Variants in ZNF589 observed in about 807,000 individuals in gnomAD.
The protein encoded by ZNF589 is zinc finger protein 589.
A neutral mutation model predicts 13.6 loss-of-function variants in ZNF589; 17 were observed. The observed-to-expected ratio is 1.25, with a 90% CI of 0.86 to 1.88. The LOEUF (loss-of-function observed/expected upper bound fraction) is 1.88. Ranked by LOEUF, ZNF589 falls within the 40% of genes most tolerant of loss-of-function variation. The pLI is 0.00. For missense variants in ZNF589, 407 were observed against 434.0 expected (o/e 0.94, Z 0.55); for synonymous variants, 148 against 161.6 (o/e 0.92, Z 0.64).
chr3:48,262,856 G>GA (rs540251808), intron 3 of ZNF589, among the ~76,000 whole-genome samples: 3 of 150,922 alleles, frequency 2.0e-5, no homozygotes, highest in South Asian at 2.1e-4. Context: ...TCACCAATAT[G>GA]AAAAAAAAAT....
Position 48,268,640 on chromosome 3 carries a change from C to T in ZNF589, c.949C>T (p.Pro317Ser), listed in dbSNP as rs868389078. ...SHCGRGFSCK[P>S]YLIRHQRTHT... ...TTGTGGGCGAGGCTTTAGCTGCAAG[C>T]CATACCTCATCAGACATCAGAGGAC... is the stretch of plus-strand genomic sequence containing the variant. The change falls in exon 4 of 4, where the codon CCA (proline) becomes TCA (serine). Residue 317 changes from proline to serine, a missense_variant. Pro to Ser is a moderately conservative substitution (Grantham distance 74). Transcript: ENST00000354698. The T allele has an allele frequency of 6.2e-7, 1 of 1,612,766 alleles. No individual in the cohort carries two copies. Among genetic ancestry groups the T allele is most frequent in the East Asian group, 2.2e-5 (1 of 44,826 alleles).
chr3:48,253,177 C>T (rs188907584), intron 2 of ZNF589, among the ~76,000 whole-genome samples: 4 of 152,098 alleles, frequency 2.6e-5, no homozygotes, highest in South Asian at 2.1e-4. Flanking sequence ...GGATTACAGG[C>T]GTGCACCACT....
At chr3:48,242,978 C>T (rs898786868) in intron 1 of ZNF589, among the ~76,000 whole-genome samples, 6 of 151,494 alleles carry the variant, frequency 4.0e-5, no homozygotes, top group Admixed American at 6.6e-5. Context: ...GAGGCTGAGG[C>T]GCAAGAATTG....
At chr3:48,264,426 A>C (rs892606030) in intron 3 of ZNF589, among the ~76,000 whole-genome samples, 3 of 151,406 alleles carry the variant, frequency 2.0e-5, no homozygotes, top group African/African-American at 7.3e-5. Flanking sequence ...CCAGCTACTC[A>C]GGAGTCTGAG....
At chr3:48,267,576 T>C (rs1461515070) in intron 3 of ZNF589, among the ~76,000 whole-genome samples, 1 of 152,140 alleles carries the variant, frequency 6.6e-6, no homozygotes, top group East Asian at 1.9e-4. Flanking sequence ...TTTGTATTTT[T>C]AGTAGAGACA....
intron 2 of ZNF589, among the ~76,000 whole-genome samples, chr3:48,257,291 GCT>G: frequency 6.6e-6 from 1 of 151,884 alleles, no homozygotes. Context: ...ACAGAGTCTT[GCT>G]CTGTCTCCCA....
intron 2 of ZNF589, among the ~76,000 whole-genome samples, chr3:48,254,076 C>T (rs1459021354): frequency 5.9e-5 from 9 of 151,424 alleles, no homozygotes; most frequent in African/African-American, 1.5e-4. Flanking sequence ...GGTGACAGAG[C>T]GAGACCTTAT....
Position 48,268,327 on chromosome 3 carries a change from T to A in ZNF589, c.636T>A (p.Phe212Leu). Residue 212 changes from phenylalanine (F) to leucine (L), a missense_variant, in exon 4 of 4, where the codon TTT becomes TTA. Transcript: ENST00000354698. ...RISKRAETPGFGAVTFGECAL... is the reference protein window; with the variant it reads ...RISKRAETPGLGAVTFGECAL... ...CCAAGAGGGCAGAAACCCCAGGGTT[T>A]GGAGCAGTCACGTTTGGGGAGTGTG... The A allele has an allele frequency of 6.2e-7, 1 of 1,614,166 alleles. No homozygotes were observed. The highest frequency in any genetic ancestry group is 8.5e-7 in the Non-Finnish European group (1 of 1,180,008).
rs1294976697 is a variant in ZNF589, at chr3:48,270,319, T to C, written c.*1533T>C. 4.6e-6 allele frequency: 2 copies of C among 432,610 alleles called. No homozygotes were observed. Among genetic ancestry groups the C allele is most frequent in the Non-Finnish European group, 9.3e-6 (2 of 214,530 alleles). 26.8% of individuals were successfully genotyped at this position (432,610 alleles called of 1,614,324 possible). A position where few individuals can be genotyped will look rare whatever the true frequency, so the allele number is the denominator to read the frequency against. On this transcript the variant is annotated 3_prime_UTR_variant, in exon 4 of 4. Transcript: ENST00000354698. The stretch of plus-strand genomic sequence containing the variant: ...GTTCTTCAGACTCAGGACTTAAACA[T>C]AGCCACGCCACCTTGGCCTTCAATG...
intron 3 of ZNF589, among the ~76,000 whole-genome samples, chr3:48,265,461 A>G (rs1040538893): frequency 1.3e-5 from 2 of 150,234 alleles, no homozygotes; most frequent in African/African-American, 4.9e-5. Flanking sequence ...TAATTTTTGT[A>G]TTTTTAGTAG....
chr3:48,241,356 C>G, intron 1 of ZNF589, 142 bp downstream of exon 1: 1 of 1,045,714 alleles, frequency 9.6e-7, no homozygotes, highest in Non-Finnish European at 1.4e-6. Flanking sequence ...GCTCTTACTC[C>G]CCTGGGGGGC....
intron 2 of ZNF589, among the ~76,000 whole-genome samples, chr3:48,259,429 C>T (rs1466494442): frequency 6.6e-6 from 1 of 152,184 alleles, no homozygotes; most frequent in Non-Finnish European, 1.5e-5. Flanking sequence ...TTTCCTTCAG[C>T]CCCTACTGTC....
chr3:48,247,756 AG>A, intron 2 of ZNF589, 79 bp downstream of exon 2: 1 of 1,515,538 alleles, frequency 6.6e-7, no homozygotes, highest in Non-Finnish European at 9.1e-7. Flanking sequence ...TTTCTTGGGA[AG>A]GGAGGAAGTG....
rs1038375389 is a variant in ZNF589, at chr3:48,256,447, T to A, written c.97-4366T>A. 6 of 561,410 alleles carry A rather than the reference T, an allele frequency of 1.1e-5. No individual in the cohort carries two copies. In the African/African-American group the frequency reaches 1.1e-4, roughly 11 times the overall value. 34.8% of individuals were successfully genotyped at this position (561,410 alleles called of 1,614,324 possible). On this transcript the variant is annotated intron_variant, in intron 2 of 3. Transcript: ENST00000354698. The stretch of plus-strand genomic sequence containing the variant: ...CGCCCTGTTCCAGGGGAGGCCTTTT[T>A]TTGTAGATGGGCATGAGGGTGCGGG...
At chr3:48,244,864 G>A (rs2033743399) in intron 1 of ZNF589, among the ~76,000 whole-genome samples, 1 of 151,024 alleles carries the variant, frequency 6.6e-6, no homozygotes, top group African/African-American at 2.4e-5. Context: ...GCCCAGGCTG[G>A]AGTGCAGTGG....
intron 2 of ZNF589, among the ~76,000 whole-genome samples, chr3:48,250,621 G>A (rs1464048228): frequency 4.6e-5 from 7 of 151,938 alleles, no homozygotes; most frequent in African/African-American, 1.2e-4. Context: ...ACAAGCATGC[G>A]ACACCACGCC....
chr3:48,269,556 G>T lies in ZNF589; in HGVS notation c.*770G>T. ...TGCATCGAGTGTGGGCGAAACTTTA[G>T]CCACAAGTCCACTCTCAGCTTACAT... On this transcript the variant is annotated 3_prime_UTR_variant, in exon 4 of 4. Coordinates refer to ENST00000354698, the MANE Select transcript of ZNF589 (RefSeq NM_016089.3). 1 of 343,146 alleles carries T rather than the reference G, an allele frequency of 2.9e-6. No homozygotes were observed. Among genetic ancestry groups the T allele is most frequent in the Non-Finnish European group, 5.7e-6 (1 of 175,274 alleles). 21.3% of individuals were successfully genotyped at this position (343,146 alleles called of 1,614,324 possible).
intron 2 of ZNF589, among the ~76,000 whole-genome samples, chr3:48,259,361 T>C (rs1468799080): frequency 2.6e-5 from 4 of 152,254 alleles, no homozygotes; most frequent in Non-Finnish European, 2.9e-5. Flanking sequence ...ATCTCTTTTA[T>C]AGTCCAGCTC....
chr3:48,268,768 T>C lies in ZNF589; in HGVS notation c.1077T>C (p.Pro359=), dbSNP rs1054619131. The C allele has an allele frequency of 6.2e-7, 1 of 1,613,370 alleles. No homozygotes were observed. Among genetic ancestry groups the C allele is most frequent in the African/African-American group, 1.3e-5 (1 of 74,972 alleles). Residue 359 remains proline, a synonymous_variant, in exon 4 of 4, where the codon CCT becomes CCC. Coordinates refer to ENST00000354698, the MANE Select transcript of ZNF589 (RefSeq NM_016089.3). ...KHQRIHTGDK[P]YVCRD ...AGAGAATTCACACGGGGGATAAGCC[T>C]TATGTGTGCAGAGATTGAGGCCGAG...
Sources: gnomAD v4.1 joint callset for allele counts (sites outside exome capture counted in the v4.1 genomes callset) on GRCh38, gnomAD v4.1.1 for gene constraint, MANE v1.5 for transcripts, NCBI Gene and HGNC (gene_info 2026-07-23, HGNC 2026-07-21) for gene names.